The following MRM2 variants were observed in gnomAD, a reference collection of about 807,000 sequenced individuals.
The protein encoded by MRM2 is mitochondrial rRNA methyltransferase 2, also known as rRNA methyltransferase 2, mitochondrial.
MRM2 carries 15 observed loss-of-function variants against 10.9 expected under a neutral mutation model. The ratio of observed to expected loss-of-function variants is 1.37; its 90% confidence interval spans 0.92 to 2.11. MRM2 has a LOEUF of 2.11. Among genes scored for constraint, MRM2 ranks in the 30% most tolerant of loss-of-function variants. The pLI is 0.00. For synonymous variants in MRM2, 139 were observed against 128.7 expected (o/e 1.08, Z -0.54); for missense variants, 328 against 321.3 (o/e 1.02, Z -0.16).
chr7:2,236,622 G>T (rs1189006894), intron 2 of MRM2, among the ~76,000 whole-genome samples: 1 of 152,196 alleles, frequency 6.6e-6, no homozygotes, highest in Non-Finnish European at 1.5e-5. Flanking sequence ...AAGACTGAGG[G>T]GTTTCGCCTT....
chr7:2,239,883 G>A (rs1794490670), intron 1 of MRM2, among the ~76,000 whole-genome samples, 176 bp from the exon 2 acceptor site: 2 of 152,174 alleles, frequency 1.3e-5, no homozygotes, highest in Admixed American at 1.3e-4. Context: ...GCCAAACTGT[G>A]TCCCCGCAAA....
At chr7:2,239,745 C>T in intron 1 of MRM2, 38 bp from the exon 2 acceptor site, 1 of 1,585,258 alleles carries the variant, frequency 6.3e-7, no homozygotes, top group Non-Finnish European at 8.6e-7. Context: ...GTTGGCATCA[C>T]ACAGAACGGC....
At chr7:2,237,760 G>A (rs1426844200) in intron 2 of MRM2, among the ~76,000 whole-genome samples, 5 of 151,992 alleles carry the variant, frequency 3.3e-5, no homozygotes. Context: ...TGGCCAACAT[G>A]GCAAAACCTC....
Position 2,235,055 on chromosome 7 carries a change from G to C in MRM2, c.*67C>G. 8.0e-7 allele frequency: 1 copy of C among 1,245,436 alleles called. No homozygotes were observed. Among genetic ancestry groups the C allele is most frequent in the Non-Finnish European group, 1.2e-6 (1 of 868,004 alleles). The allele number at this position is 1,245,436 out of a possible 1,614,324, so 77.1% of individuals were successfully genotyped here. On this transcript the variant is annotated 3_prime_UTR_variant, in exon 3 of 3. Transcript: ENST00000242257. ...GCTCAAATCTCCCAGGAACTCTTCA[G>C]GAGCTCAGGCTACGTTTCTAGCTTA...
rs749092833 is a variant in MRM2 at position 2,242,199 on chromosome 7, C to A, written c.-30G>T. The A allele has an allele frequency of 1.3e-6, 2 of 1,570,252 alleles. No homozygotes were observed. The highest frequency in any genetic ancestry group is 1.7e-5 in the Admixed American group (1 of 57,306). On this transcript the variant is annotated 5_prime_UTR_variant, in exon 1 of 3. Transcript: ENST00000242257. ...GTTCCCCGCGCCTGCAGCGCGCCGC[C>A]GGAAGTGCCTGGCCTCACTTCCGGT...
At position 2,235,555 on chromosome 7, in the gene MRM2, G is replaced by C. The variant is rs1353879441; in HGVS notation, c.308C>G (p.Ser103Cys). 2.5e-6 allele frequency: 4 copies of C among 1,606,400 alleles called. No homozygotes were observed. The highest frequency in any genetic ancestry group is 1.6e-4 in the Middle Eastern group (1 of 6,062). ...TACCCCAAGCACGAAGCCAACAGGA[G>C]AGCTGGGATCTATGGAAGAAATGGT... ...KVNAAGTDPS[S>C]PVGFVLGVDL... Residue 103 changes from serine to cysteine, a missense_variant, in exon 3 of 3, where the codon TCT becomes TGT. Transcript: ENST00000242257.
intron 2 of MRM2, among the ~76,000 whole-genome samples, chr7:2,236,400 T>G (rs1198567853): frequency 6.6e-6 from 1 of 150,996 alleles, no homozygotes; most frequent in Admixed American, 6.6e-5. Context: ...GTACAAAAAC[T>G]GATATCGGCT....
chr7:2,236,095 TG>T (rs1413194464), intron 2 of MRM2, among the ~76,000 whole-genome samples: 2 of 152,116 alleles, frequency 1.3e-5, no homozygotes, highest in African/African-American at 4.8e-5. Flanking sequence ...GCAGGCGTGG[TG>T]GCACGTGCCT....
At chr7:2,240,877 A>C (rs1372922393) in intron 1 of MRM2, among the ~76,000 whole-genome samples, 1 of 152,098 alleles carries the variant, frequency 6.6e-6, no homozygotes, top group Non-Finnish European at 1.5e-5. Flanking sequence ...TTGTATTTTC[A>C]GTATAGATGG....
At chr7:2,237,291 C>G (rs1794434940) in intron 2 of MRM2, among the ~76,000 whole-genome samples, 1 of 152,240 alleles carries the variant, frequency 6.6e-6, no homozygotes, top group Admixed American at 6.5e-5. Flanking sequence ...AGCCACTGCG[C>G]CCGGCCTCAC....
intron 2 of MRM2, chr7:2,239,015 ATATATATATATAT>A (rs561617260): frequency 0.16 from 12,178 of 75,150 alleles, 1,594 homozygotes; most frequent in South Asian, 0.21. Context: ...ATATATATAT[ATATATATATATAT>A]AATACATATA....
rs1794394502 is a variant in MRM2, at chr7:2,235,136, T to C, written c.727A>G (p.Thr243Ala). ...ACAAGAAATCCTCACTGCTTCACAG[T>C]GCCCTTCCTTCCGTGGTACTGTGTG... ...LATQYHGRKG[T>A]VKQ The change falls in exon 3 of 3, where the codon ACT (threonine) becomes GCT (alanine). Residue 243 changes from threonine to alanine, a missense_variant. By Grantham distance (58) the Thr-to-Ala change is moderately conservative. Transcript: ENST00000242257. The C allele has an allele frequency of 6.2e-7, 1 of 1,612,870 alleles. No individual in the cohort carries two copies. The highest frequency in any genetic ancestry group is 8.5e-7 in the Non-Finnish European group (1 of 1,179,050).
intron 1 of MRM2, among the ~76,000 whole-genome samples, chr7:2,240,770 C>A (rs1794512603): frequency 6.6e-6 from 1 of 151,810 alleles, no homozygotes; most frequent in Non-Finnish European, 1.5e-5. Context: ...TGACAGCTCA[C>A]TGCAGCCTCC....
At chr7:2,240,139 C>G (rs1053319614) in intron 1 of MRM2, 3 of 353,196 alleles carry the variant, frequency 8.5e-6, no homozygotes, top group African/African-American at 6.4e-5. Context: ...GGAGAATCGC[C>G]TGAACCCAGG....
chr7:2,239,848 C>A, intron 1 of MRM2, 141 bp from the exon 2 acceptor site: 1 of 708,704 alleles, frequency 1.4e-6, no homozygotes, highest in Non-Finnish European at 2.3e-6. Context: ...GATAAGGCTA[C>A]ACAGATGGAA....
chr7:2,238,578 G>T (rs982330300), intron 2 of MRM2: 5 of 152,234 alleles, frequency 3.3e-5, no homozygotes, highest in African/African-American at 9.7e-5. Context: ...GGGCCACCAG[G>T]AAAGCCCCAG....
At position 2,239,231 on chromosome 7, in the gene MRM2, C is replaced by A. The variant is rs777719642; in HGVS notation, c.298+187G>T. On this transcript the variant is annotated intron_variant, in intron 2 of 2. Coordinates refer to ENST00000242257, the MANE Select transcript of MRM2 (RefSeq NM_013393.3). Reference sequence around the variant, plus strand: ...TTTCCATGTTCACTGCACCTTTCTACCTTGTCTTTCATTTTGAAAATGGCA... The same window carrying A: ...TTTCCATGTTCACTGCACCTTTCTAACTTGTCTTTCATTTTGAAAATGGCA... The A allele has an allele frequency of 1.0e-4, 82 of 801,660 alleles. No individual in the cohort carries two copies. In the Admixed American group the frequency reaches 1.4e-3, roughly 13 times the overall value. 49.7% of individuals were successfully genotyped at this position (801,660 alleles called of 1,614,324 possible). A position where few individuals can be genotyped will look rare whatever the true frequency, so the allele number is the denominator to read the frequency against.
intron 2 of MRM2, chr7:2,239,154 T>A (rs1794475194): frequency 1.3e-6 from 1 of 779,392 alleles, no homozygotes; most frequent in Non-Finnish European, 2.4e-6. Context: ...CCTGGAAGGA[T>A]GCACACCACC....
At position 2,234,933 on chromosome 7, in the gene MRM2, C is replaced by T; in HGVS notation, c.*189G>A. 1.7e-6 allele frequency: 1 copy of T among 591,520 alleles called. No individual in the cohort carries two copies. The highest frequency in any genetic ancestry group is 2.1e-5 in the South Asian group (1 of 47,196). The allele number at this position is 591,520 out of a possible 1,614,324, so 36.6% of individuals were successfully genotyped here. ...AGCGGACTTTTTCATTTTCCATGGC[C>T]CCTGAACTTAGTTTTGTCATCTCTT... On this transcript the variant is annotated 3_prime_UTR_variant, in exon 3 of 3. Transcript: ENST00000242257.
Sources: allele counts gnomAD v4.1 joint callset (sites outside exome capture counted in the v4.1 genomes callset), GRCh38; gene constraint gnomAD v4.1.1; transcripts MANE v1.5; gene names NCBI Gene and HGNC (gene_info 2026-07-23, HGNC 2026-07-21).